The following RALGAPB variants were observed in gnomAD, a reference collection of about 807,000 sequenced individuals.
RALGAPB encodes the protein ral GTPase-activating protein subunit beta.
In RALGAPB, 25 loss-of-function variants were observed where a neutral mutation model predicts 161.1. That is an observed-to-expected ratio of 0.16 (90% CI 0.11 to 0.22). The LOEUF is 0.22. RALGAPB is among the 10% of genes least tolerant of loss of function. RALGAPB has a pLI of 1.00. For synonymous variants in RALGAPB, 629 were observed against 626.1 expected (o/e 1.00, Z -0.07); for missense variants, 1,391 against 1,815.2 (o/e 0.77, Z 4.25).
intron 23 of RALGAPB, among the ~76,000 whole-genome samples, chr20:38,561,319 G>A (rs1169408828): frequency 3.9e-5 from 6 of 152,162 alleles, no homozygotes; most frequent in Non-Finnish European, 7.3e-5. Context: ...GCAAGACTCC[G>A]TCTCAAAAGA....
At chr20:38,549,200 T>C (rs1278540697) in intron 20 of RALGAPB, among the ~76,000 whole-genome samples, 1 of 152,200 alleles carries the variant, frequency 6.6e-6, no homozygotes, top group East Asian at 1.9e-4. Flanking sequence ...TTTGTTCTTA[T>C]ATAATAATTG....
chr20:38,473,021 C>T lies in RALGAPB; in HGVS notation c.-79C>T. On this transcript the variant is annotated 5_prime_UTR_variant, in exon 1 of 30. Coordinates refer to ENST00000262879, the MANE Select transcript of RALGAPB (RefSeq NM_020336.4). ...GCGTGAGGCGGAAGGCCGAGGACGG[C>T]CGGCGGCGGCGCCCGCCCCGGCGAT... 1 of 392,342 alleles carries T rather than the reference C, an allele frequency of 2.5e-6. No individual in the cohort carries two copies. The highest frequency in any genetic ancestry group is 3.6e-5 in the East Asian group (1 of 27,648). 24.3% of individuals were successfully genotyped at this position (392,342 alleles called of 1,614,324 possible). A position where few individuals can be genotyped will look rare whatever the true frequency, so the allele number is the denominator to read the frequency against.
chr20:38,572,624 AGAT>A lies in RALGAPB; in HGVS notation c.4143-1522_4143-1520del, dbSNP rs2088281743. Among the ~76,000 whole-genome samples the A allele has an allele frequency of 2.0e-5, 3 of 152,240 alleles. No individual in the cohort carries two copies. In the East Asian group the frequency reaches 5.8e-4, roughly 29 times the overall value. On this transcript the variant is annotated intron_variant, in intron 28 of 29. Transcript: ENST00000262879. ...AGGTGATTGTTGTTGAAGTCAGTAAAGATGATTTATTTTAGCATTATCATTTTA... is the reference window on the plus strand; with the variant it reads ...AGGTGATTGTTGTTGAAGTCAGTAAAGATTTATTTTAGCATTATCATTTTA...
At chr20:38,532,220 T>C (rs530763573) in intron 14 of RALGAPB, among the ~76,000 whole-genome samples, 1 of 152,242 alleles carries the variant, frequency 6.6e-6, no homozygotes, top group East Asian at 1.9e-4. Flanking sequence ...TGCGCCCGGC[T>C]AATTTTTTTG....
chr20:38,481,453 G>A (rs1232698687), intron 1 of RALGAPB, among the ~76,000 whole-genome samples: 1 of 152,196 alleles, frequency 6.6e-6, no homozygotes, highest in Non-Finnish European at 1.5e-5. Context: ...CATCTTATGT[G>A]GATGACGGCA....
Position 38,539,954 on chromosome 20 carries a change from A to G in RALGAPB, c.2558A>G (p.Glu853Gly). 2 of 1,605,032 alleles carry G rather than the reference A, an allele frequency of 1.2e-6. No individual in the cohort carries two copies. The highest frequency in any genetic ancestry group is 2.2e-5 in the East Asian group (1 of 44,780). Reference sequence around the variant, plus strand: ...ACAGAGCACCCTGATATGCTTGATGAAAAGGTGAGTTTATTTTATTTTAAA... The same window carrying G: ...ACAGAGCACCCTGATATGCTTGATGGAAAGGTGAGTTTATTTTATTTTAAA... Reference protein sequence around the residue: ...WLTEHPDMLDEKDCLKEVLEI... With the variant: ...WLTEHPDMLDGKDCLKEVLEI... Residue 853 changes from glutamate (E) to glycine (G), a missense_variant, in exon 17 of 30, where the codon GAA (glutamate) becomes GGA (glycine). Coordinates refer to ENST00000262879, the MANE Select transcript of RALGAPB (RefSeq NM_020336.4).
intron 12 of RALGAPB, 40 bp downstream of exon 12, chr20:38,525,558 T>G: frequency 7.2e-7 from 1 of 1,381,082 alleles, no homozygotes; most frequent in Non-Finnish European, 1.0e-6. Flanking sequence ...CTATATTCTG[T>G]TTTTTGTACT....
chr20:38,535,804 C>T (rs963270177), intron 16 of RALGAPB, among the ~76,000 whole-genome samples: 3 of 152,098 alleles, frequency 2.0e-5, no homozygotes, highest in Non-Finnish European at 4.4e-5. Context: ...AGGCTGATCT[C>T]GAACTTCTGA....
At chr20:38,475,955 T>C (rs1658147055) in intron 1 of RALGAPB, among the ~76,000 whole-genome samples, 1 of 152,178 alleles carries the variant, frequency 6.6e-6, no homozygotes, top group African/African-American at 2.4e-5. Context: ...TAGAAAAATT[T>C]TCTTGGTTCC....
At chr20:38,573,357 T>G (rs1285970744) in intron 28 of RALGAPB, among the ~76,000 whole-genome samples, 1 of 152,152 alleles carries the variant, frequency 6.6e-6, no homozygotes, top group African/African-American at 2.4e-5. Flanking sequence ...CAGTGTTGCT[T>G]TGGCCAAAAT....
In RALGAPB at chr20:38,548,780, A is replaced by G. The variant is rs805548; in HGVS notation, c.2994A>G (p.Ala998=). 58,259 of 1,611,756 alleles carry G rather than the reference A, an allele frequency of 0.036. 1,995 individuals carry two copies. The highest frequency in any genetic ancestry group is 0.18 in the African/African-American group (13,372 of 74,912). Residue 998 remains alanine (A), a synonymous_variant, in exon 20 of 30, where the codon GCA becomes GCG. Transcript: ENST00000262879. The stretch of plus-strand genomic sequence containing the variant: ...AGCTTTGTCTTTTACCCAGAGGAGC[A>G]AAAGCAAATCAGAAGGTATTCATCA... The part of the protein sequence containing the change: ...AQQLCLLPRG[A]KANQKLFVPE...
intron 18 of RALGAPB, among the ~76,000 whole-genome samples, chr20:38,545,578 T>C (rs968018964): frequency 6.6e-6 from 1 of 152,174 alleles, no homozygotes; most frequent in African/African-American, 2.4e-5. Flanking sequence ...CCTCTTTCAC[T>C]CTAAGGTTTG....
chr20:38,562,784 T>C, intron 24 of RALGAPB, 87 bp downstream of exon 24: 4 of 1,407,754 alleles, frequency 2.8e-6, no homozygotes, highest in Non-Finnish European at 2.9e-6. Context: ...ATTTATAGTC[T>C]TGTTAAAAAT....
intron 21 of RALGAPB, among the ~76,000 whole-genome samples, chr20:38,551,555 G>A (rs572662739): frequency 1.3e-5 from 2 of 152,314 alleles, no homozygotes; most frequent in East Asian, 3.9e-4. Flanking sequence ...TATAAGAAAG[G>A]AAGGACTATT....
At chr20:38,562,896 C>T (rs1189590725) in intron 24 of RALGAPB, among the ~76,000 whole-genome samples, 199 bp downstream of exon 24, 3 of 152,056 alleles carry the variant, frequency 2.0e-5, no homozygotes, top group Non-Finnish European at 2.9e-5. Context: ...GAAAACATAG[C>T]GAGACACCAT....
chr20:38,569,840 T>C, intron 26 of RALGAPB, 48 bp from the exon 27 acceptor site: 1 of 1,459,668 alleles, frequency 6.9e-7, no homozygotes, highest in Non-Finnish European at 9.6e-7. Context: ...AGCCAGTTTT[T>C]TGTTGCTGTT....
intron 1 of RALGAPB, among the ~76,000 whole-genome samples, chr20:38,487,410 A>G (rs979130037): frequency 6.6e-6 from 1 of 152,242 alleles, no homozygotes; most frequent in Admixed American, 6.5e-5. Context: ...AAGTTTTGGA[A>G]AAAACATTCT....
intron 1 of RALGAPB, among the ~76,000 whole-genome samples, chr20:38,480,176 T>A (rs956158720): frequency 6.6e-6 from 1 of 151,920 alleles, no homozygotes; most frequent in African/African-American, 2.4e-5. Context: ...GCTCATTTTC[T>A]GCCTCCAGTT....
In RALGAPB at chr20:38,578,508, A is replaced by T. The variant is rs978737599; in HGVS notation, c.*3541A>T. On this transcript the variant is annotated 3_prime_UTR_variant, in exon 30 of 30. Transcript: ENST00000262879. Reference sequence around the variant, plus strand: ...GTCCTCATCTCTTATAGTGACCAAGACATCTTTCTCCTCTGAAGGGCTTGG... The same window carrying T: ...GTCCTCATCTCTTATAGTGACCAAGTCATCTTTCTCCTCTGAAGGGCTTGG... 3 of 152,616 alleles carry T rather than the reference A, an allele frequency of 2.0e-5. No homozygotes were observed. The highest frequency in any genetic ancestry group is 4.4e-5 in the Non-Finnish European group (3 of 68,040). 9.5% of individuals were successfully genotyped at this position (152,616 alleles called of 1,614,324 possible).
Sources: gnomAD v4.1 joint callset for allele counts (sites outside exome capture counted in the v4.1 genomes callset) on GRCh38, gnomAD v4.1.1 for gene constraint, MANE v1.5 for transcripts, NCBI Gene and HGNC (gene_info 2026-07-23, HGNC 2026-07-21) for gene names.